CPXM2: variants seen among roughly 807,000 people sequenced by gnomAD.
CPXM2 encodes the protein carboxypeptidase X, M14 family member 2.
In CPXM2, 66 loss-of-function variants were observed where a neutral mutation model predicts 86.1. That is an observed-to-expected ratio of 0.77 (90% CI 0.63 to 0.94). The LOEUF (loss-of-function observed/expected upper bound fraction) is 0.94, where lower values mean the gene tolerates loss of function less well. Among genes scored for constraint, CPXM2 ranks in the 40% least tolerant of loss-of-function variants. The pLI is 0.00. For synonymous variants in CPXM2, 388 were observed against 400.2 expected (o/e 0.97, Z 0.36); for missense variants, 948 against 1,026.3 (o/e 0.92, Z 1.04).
chr10:123,836,692 C>T (rs553139881), intron 4 of CPXM2, among the ~76,000 whole-genome samples: 4 of 152,334 alleles, frequency 2.6e-5, no homozygotes, highest in South Asian at 2.1e-4. Context: ...GACTCCACCT[C>T]CTACTTCACC....
chr10:123,757,189 C>T (rs1280585826), intron 12 of CPXM2, 24 bp downstream of exon 12: 2 of 1,609,716 alleles, frequency 1.2e-6, no homozygotes, highest in Non-Finnish European at 1.7e-6. Flanking sequence ...TCCCCCTCAT[C>T]CCAGCCACAC....
At chr10:123,870,700 A>G (rs1944881415) in intron 2 of CPXM2, among the ~76,000 whole-genome samples, 1 of 152,090 alleles carries the variant, frequency 6.6e-6, no homozygotes, top group Non-Finnish European at 1.5e-5. Context: ...AAGCTCTTTA[A>G]CACCCACCAC....
chr10:123,813,960 TGACAGAAA>T (rs1847750682), intron 4 of CPXM2, among the ~76,000 whole-genome samples: 1 of 152,224 alleles, frequency 6.6e-6, no homozygotes, highest in Non-Finnish European at 1.5e-5. Context: ...AAGGTGCACC[TGACAGAAA>T]CTAGGCCAAT....
intron 3 of CPXM2, among the ~76,000 whole-genome samples, chr10:123,846,289 C>A (rs1240533626): frequency 6.6e-6 from 1 of 152,214 alleles, no homozygotes. Context: ...TAGACATTTT[C>A]ATCTGGAGGT....
At chr10:123,816,811 G>A (rs1847823103) in intron 4 of CPXM2, among the ~76,000 whole-genome samples, 1 of 152,162 alleles carries the variant, frequency 6.6e-6, no homozygotes, top group Admixed American at 6.5e-5. Flanking sequence ...AATCTTATTT[G>A]GAGAGATCTT....
chr10:123,757,219 C>G lies in CPXM2; in HGVS notation c.1911G>C (p.Met637Ile), dbSNP rs779323414. ...CCACACACCCGCAATATACCTGCTC[C>G]ATGAACACGATCAGAGATTCCCGGT... ...ENNRESLIVF[M>I]EQVHRGIKGL... Residue 637 changes from methionine to isoleucine, a missense_variant, in exon 12 of 14, where the codon ATG becomes ATC. Coordinates refer to ENST00000241305, the MANE Select transcript of CPXM2 (RefSeq NM_198148.3). 6.2e-7 allele frequency: 1 copy of G among 1,614,088 alleles called. No individual in the cohort carries two copies. Among genetic ancestry groups the G allele is most frequent in the African/African-American group, 1.3e-5 (1 of 75,040 alleles).
chr10:123,936,328 A>T (rs989611982), intron 2 of CPXM2, among the ~76,000 whole-genome samples: 4 of 152,322 alleles, frequency 2.6e-5, no homozygotes, highest in African/African-American at 9.6e-5. Flanking sequence ...TGTCTCCCCA[A>T]AATCAATCAG....
intron 3 of CPXM2, among the ~76,000 whole-genome samples, chr10:123,853,292 T>G (rs1848641691): frequency 6.6e-6 from 1 of 152,202 alleles, no homozygotes; most frequent in Admixed American, 6.5e-5. Context: ...CCTCTTTTCT[T>G]AATGAATTAT....
chr10:123,872,937 AC>A (rs1015529052), intron 2 of CPXM2, among the ~76,000 whole-genome samples: 1 of 152,106 alleles, frequency 6.6e-6, no homozygotes, highest in Non-Finnish European at 1.5e-5. Context: ...GAAAAAAAAA[AC>A]ATGCTGAAGA....
At chr10:123,927,984 T>G (rs1433502778) in intron 2 of CPXM2, among the ~76,000 whole-genome samples, 8 of 152,218 alleles carry the variant, frequency 5.3e-5, no homozygotes. Flanking sequence ...CACACTCAAC[T>G]GTGCCCCCAC....
rs1452571438 is a variant in CPXM2, at chr10:123,865,373, G to A, written c.404-2650C>T. Among the ~76,000 whole-genome samples the A allele has an allele frequency of 6.6e-6, 1 of 152,212 alleles. No homozygotes were observed. Among genetic ancestry groups the A allele is most frequent in the Non-Finnish European group, 1.5e-5 (1 of 68,042 alleles). On this transcript the variant is annotated intron_variant, in intron 2 of 13. Coordinates refer to ENST00000241305, the MANE Select transcript of CPXM2 (RefSeq NM_198148.3). The surrounding 1 kb of genome is among the most constrained non-coding windows in gnomAD (Gnocchi z 4.7). ...CAGAGTTACTGATCCGCCTGGGTTA[G>A]TGAGGGCCCTTTGGTTTTAAGAAAC...
In CPXM2 at chr10:123,754,621, G is replaced by T. The variant is rs1564750270; in HGVS notation, c.2017+42C>A. On this transcript the variant is annotated intron_variant, in intron 13 of 13. Transcript: ENST00000241305. This position sits in a 1 kb window ranked among gnomAD's most constrained non-coding sequence, Gnocchi z 4.0. ...CCAAGTAAAATGCCTAAAAAAATGG[G>T]TATTTCTTACCAAGAGACAGTCTGC... 1 of 1,058,170 alleles carries T rather than the reference G, an allele frequency of 9.5e-7. No homozygotes were observed. 65.5% of individuals were successfully genotyped at this position (1,058,170 alleles called of 1,614,324 possible).
Position 123,891,415 on chromosome 10 carries a change from G to T in CPXM2, c.245C>A (p.Ala82Asp). The change falls in exon 1 of 14, where the codon GCC becomes GAC. Residue 82 changes from alanine (A) to aspartate (D), a missense_variant. Physicochemically the swap from Ala to Asp is moderately radical, Grantham distance 126 (BLOSUM62 -2). Transcript: ENST00000241305. This position sits in a 1 kb window ranked among gnomAD's most constrained non-coding sequence, Gnocchi z 5.6. ...CTTGGGAGCTTTCTTGGGCTTGGTGGCCCTCTTGGGCGGCCTGGGCTCCTG... is the reference window on the plus strand; with the variant it reads ...CTTGGGAGCTTTCTTGGGCTTGGTGTCCCTCTTGGGCGGCCTGGGCTCCTG... ...RPQEPRPPKR[A>D]TKPKKAPKRE... 6.4e-7 allele frequency: 1 copy of T among 1,561,956 alleles called. No individual in the cohort carries two copies. The highest frequency in any genetic ancestry group is 8.7e-7 in the Non-Finnish European group (1 of 1,152,936).
At chr10:123,851,724 ACG>A (rs1245271413) in intron 3 of CPXM2, among the ~76,000 whole-genome samples, 2 of 150,102 alleles carry the variant, frequency 1.3e-5, no homozygotes, top group African/African-American at 4.9e-5. Context: ...AGCCAAGATC[ACG>A]CCACTACACT....
At chr10:123,794,055 G>A (rs546765245) in intron 6 of CPXM2, among the ~76,000 whole-genome samples, 3 of 152,338 alleles carry the variant, frequency 2.0e-5, no homozygotes, top group Non-Finnish European at 2.9e-5. Flanking sequence ...GAGGATGTGC[G>A]TATCAGGAGG....
At chr10:123,825,256 G>A (rs1260152614) in intron 4 of CPXM2, among the ~76,000 whole-genome samples, 1 of 152,164 alleles carries the variant, frequency 6.6e-6, no homozygotes, top group Non-Finnish European at 1.5e-5. Context: ...GAGGAAGGGG[G>A]CAGGGTGAAA....
intron 4 of CPXM2, among the ~76,000 whole-genome samples, chr10:123,813,463 G>A (rs540277666): frequency 6.6e-6 from 1 of 152,296 alleles, no homozygotes; most frequent in Non-Finnish European, 1.5e-5. Context: ...GGATTTCAGT[G>A]TTCTCAGATC....
At chr10:123,860,226 T>A (rs185463967) in intron 3 of CPXM2, among the ~76,000 whole-genome samples, 1 of 152,276 alleles carries the variant, frequency 6.6e-6, no homozygotes, top group Admixed American at 6.5e-5. Flanking sequence ...AGGAAGGAGA[T>A]GATCCAGGGA....
At chr10:123,892,565 C>G (rs975313271), upstream of CPXM2, among the ~76,000 whole-genome samples, 2 of 152,294 alleles carry the variant, frequency 1.3e-5, no homozygotes, top group African/African-American at 4.8e-5. Flanking sequence ...TGTGGGGAAC[C>G]AGGGACTGCA....
Sources: gnomAD v4.1 joint callset for allele counts (sites outside exome capture counted in the v4.1 genomes callset) on GRCh38, gnomAD v4.1.1 for gene constraint, Gnocchi (gnomAD v3.1) non-coding constraint, MANE v1.5 for transcripts, NCBI Gene and HGNC (gene_info 2026-07-23, HGNC 2026-07-21) for gene names.